The following SEMA4A variants were observed in gnomAD, a reference collection of about 807,000 sequenced individuals.
The protein encoded by SEMA4A is semaphorin-4A.
In SEMA4A, 52 loss-of-function variants were observed where a neutral mutation model predicts 72.5. That is an observed-to-expected ratio of 0.72 (90% CI 0.57 to 0.90). SEMA4A has a LOEUF of 0.90. Ranked by LOEUF, SEMA4A falls within the 40% of genes least tolerant of loss-of-function variation. SEMA4A has a pLI of 0.00. For missense variants in SEMA4A, 926 were observed against 959.7 expected, an observed-to-expected ratio of 0.96 and a Z score of 0.46; for synonymous variants, 369 against 393.1, an observed-to-expected ratio of 0.94 and a Z score of 0.73.
intron 1 of SEMA4A, 102 bp from the exon 2 acceptor site, chr1:156,154,448 C>T (rs1652809297): frequency 9.2e-7 from 1 of 1,083,716 alleles, no homozygotes; most frequent in Admixed American, 2.0e-5. Context: ...ACCCCTGCCA[C>T]CAATACACAC....
rs762102875 is a variant in SEMA4A at position 156,160,904 on chromosome 1, G to A, written c.686-1G>A. 9.9e-6 allele frequency: 16 copies of A among 1,613,594 alleles called. No individual in the cohort carries two copies. The highest frequency in any genetic ancestry group is 1.1e-5 in the Non-Finnish European group (13 of 1,179,964). The stretch of plus-strand genomic sequence containing the variant: ...TAAGCCCATCTGCCCCTCCCCCGCA[G>A]ATGACGCCTCCTTTGTGGCAGCCAT... On this transcript the variant is annotated splice_acceptor_variant, in intron 7 of 14. Coordinates refer to ENST00000368285, the MANE Select transcript of SEMA4A (RefSeq NM_022367.4). LOFTEE classifies it high-confidence loss of function.
At chr1:156,163,560 A>G (rs1428645650) in intron 10 of SEMA4A, among the ~76,000 whole-genome samples, 1 of 151,738 alleles carries the variant, frequency 6.6e-6, no homozygotes, top group South Asian at 2.1e-4. Context: ...CATCTCTACT[A>G]AAAATACAAA....
At chr1:156,156,722 A>G in intron 3 of SEMA4A, 148 bp downstream of exon 3, 1 of 764,836 alleles carries the variant, frequency 1.3e-6, no homozygotes, top group South Asian at 1.7e-5. Context: ...ACAATATAAC[A>G]GACAGGAAAT....
rs752145509 is a variant in SEMA4A, at chr1:156,154,683, G to C, written c.105G>C (p.Gly35=). The change falls in exon 2 of 15, where the codon GGG becomes GGC. Residue 35 remains glycine, a synonymous_variant. Coordinates refer to ENST00000368285, the MANE Select transcript of SEMA4A (RefSeq NM_022367.4). ...LLPTTTAGGG[G]QGPMPRVRYY... Reference sequence around the variant, plus strand: ...CGACGACGACCGCGGGGGGAGGCGGGCAGGGGCCCATGCCCAGGGTCAGAT... The same window carrying C: ...CGACGACGACCGCGGGGGGAGGCGGCCAGGGGCCCATGCCCAGGGTCAGAT... 6.3e-7 allele frequency: 1 copy of C among 1,594,908 alleles called. No individual in the cohort carries two copies. The highest frequency in any genetic ancestry group is 8.5e-7 in the Non-Finnish European group (1 of 1,171,376).
rs1253825134 is a variant in SEMA4A, at chr1:156,177,367, A to G, written c.*370A>G. On this transcript the variant is annotated 3_prime_UTR_variant, in exon 15 of 15. Transcript: ENST00000368285. ...CTGCCTGTCCCAGGACCCTATGGTA[A>G]TGAACACCAAACATCTAAACAATCA... is the stretch of plus-strand genomic sequence containing the variant. 5.6e-6 allele frequency: 2 copies of G among 355,620 alleles called. No homozygotes were observed. Among genetic ancestry groups the G allele is most frequent in the African/African-American group, 4.2e-5 (2 of 47,754 alleles). 22.0% of individuals were successfully genotyped at this position (355,620 alleles called of 1,614,324 possible).
intron 10 of SEMA4A, among the ~76,000 whole-genome samples, chr1:156,168,407 A>G (rs1274316950): frequency 6.6e-6 from 1 of 151,390 alleles, no homozygotes; most frequent in Non-Finnish European, 1.5e-5. Flanking sequence ...TATTTTTAGT[A>G]GAGATGGGGT....
At chr1:156,163,213 GC>G in intron 10 of SEMA4A, 119 bp downstream of exon 10, 1 of 1,169,176 alleles carries the variant, frequency 8.6e-7, no homozygotes, top group Non-Finnish European at 1.2e-6. Context: ...CACCAATCTC[GC>G]CTGCTCAGAC....
intron 10 of SEMA4A, among the ~76,000 whole-genome samples, chr1:156,171,558 A>G (rs960620208): frequency 6.6e-6 from 1 of 152,130 alleles, no homozygotes; most frequent in African/African-American, 2.4e-5. Context: ...AAATACAGAC[A>G]TGAGTAAAAC....
chr1:156,173,677 CAGGCTCAGGGTAGGA>C (rs1655030500), intron 11 of SEMA4A, among the ~76,000 whole-genome samples: 1 of 151,948 alleles, frequency 6.6e-6, no homozygotes, highest in Non-Finnish European at 1.5e-5. Flanking sequence ...GGTGGGTGTG[CAGGCTCAGGGTAGGA>C]AGCCAAGGGA....
chr1:156,151,164 C>T (rs777546474), upstream of SEMA4A, among the ~76,000 whole-genome samples: 1 of 152,180 alleles, frequency 6.6e-6, no homozygotes, highest in Non-Finnish European at 1.5e-5. Flanking sequence ...TTTGTGGGGC[C>T]CAGTGCAAAA....
chr1:156,160,105 T>C lies in SEMA4A; in HGVS notation c.569-338T>C, dbSNP rs1653443153. Among the ~76,000 whole-genome samples the C allele has an allele frequency of 2.0e-5, 3 of 151,578 alleles. No individual in the cohort carries two copies. The South Asian group carries it at 6.3e-4, about 32-fold the overall frequency. On this transcript the variant is annotated intron_variant, in intron 6 of 14. Transcript: ENST00000368285. ...AGGGAGAGAAGGGTAGGACCCAAGG[T>C]GTGGAAGTGGAAAACACAGTCACCT...
At chr1:156,170,741 G>A (rs1159377146) in intron 10 of SEMA4A, among the ~76,000 whole-genome samples, 3 of 148,146 alleles carry the variant, frequency 2.0e-5, no homozygotes, top group Non-Finnish European at 4.5e-5. Context: ...GAGACAGAGT[G>A]AGACTCCGTC....
upstream of SEMA4A, among the ~76,000 whole-genome samples, chr1:156,152,994 G>A (rs1222527810): frequency 2.0e-5 from 3 of 152,044 alleles, no homozygotes; most frequent in African/African-American, 7.2e-5. Flanking sequence ...CCACCTTTGG[G>A]GGTTGGGTGC....
rs1655405418 is a variant in SEMA4A at position 156,176,928 on chromosome 1, C to T, written c.2217C>T (p.Pro739=). 1 of 1,614,056 alleles carries T rather than the reference C, an allele frequency of 6.2e-7. No individual in the cohort carries two copies. The highest frequency in any genetic ancestry group is 1.3e-5 in the African/African-American group (1 of 74,950). Reference sequence around the variant, plus strand: ...GCAGAGAGCAACACCTCCAGTCTCCCAAGGAATGCAGGACCTCTGCCAGTG... The same window carrying T: ...GCAGAGAGCAACACCTCCAGTCTCCTAAGGAATGCAGGACCTCTGCCAGTG... ...PLSREQHLQS[P]KECRTSASDV... The change falls in exon 15 of 15, where the codon CCC becomes CCT. Residue 739 remains proline (P), a synonymous_variant. Transcript: ENST00000368285.
chr1:156,170,460 C>CAAAA (rs35927446), intron 10 of SEMA4A, among the ~76,000 whole-genome samples: 3 of 40,308 alleles, frequency 7.4e-5, no homozygotes, highest in African/African-American at 2.1e-4. Flanking sequence ...GATACTGTCT[C>CAAAA]AAAAAAAAAA....
chr1:156,160,090 G>C (rs556084022), intron 6 of SEMA4A, among the ~76,000 whole-genome samples: 2 of 152,240 alleles, frequency 1.3e-5, no homozygotes, highest in East Asian at 3.9e-4. Flanking sequence ...AGGGAGAGAA[G>C]GGTAGGACCC....
chr1:156,161,544 G>A, intron 9 of SEMA4A, 26 bp downstream of exon 9: 2 of 1,612,736 alleles, frequency 1.2e-6, no homozygotes, highest in Non-Finnish European at 1.7e-6. Context: ...GGACCATGGG[G>A]GCTGGACACG....
At chr1:156,155,889 A>G (rs1384410926) in intron 2 of SEMA4A, 1 of 216,880 alleles carries the variant, frequency 4.6e-6, no homozygotes, top group African/African-American at 2.3e-5. Context: ...CCATGCCCAC[A>G]TGGATCTTTG....
At position 156,176,455 on chromosome 1, in the gene SEMA4A, C is replaced by A. The variant is rs543276469; in HGVS notation, c.1744C>A (p.His582Asn). 5.0e-6 allele frequency: 8 copies of A among 1,614,168 alleles called. No homozygotes were observed. The highest frequency in any genetic ancestry group is 1.1e-5 in the South Asian group (1 of 91,082). ...CTCCATCCTGGAGCTCCCCTGCCCC[C>A]ACCTGTCAGCCTTGGCCTCTTATTA... The part of the protein sequence containing the change: ...PNSILELPCP[H>N]LSALASYYWS... The change falls in exon 15 of 15, where the codon CAC becomes AAC. Residue 582 changes from histidine (H) to asparagine (N), a missense_variant. By Grantham distance (68) the His-to-Asn change is moderately conservative (BLOSUM62 1). Coordinates refer to ENST00000368285, the MANE Select transcript of SEMA4A (RefSeq NM_022367.4).
Sources: allele counts gnomAD v4.1 joint callset (sites outside exome capture counted in the v4.1 genomes callset), GRCh38; gene constraint gnomAD v4.1.1; transcripts MANE v1.5; gene names NCBI Gene and HGNC (gene_info 2026-07-23, HGNC 2026-07-21).